U2SURP: variants seen among roughly 807,000 people sequenced by gnomAD.
The protein encoded by U2SURP is U2 snRNP-associated SURP motif-containing protein.
In U2SURP, 9 loss-of-function variants were observed where a neutral mutation model predicts 144.9. The ratio of observed to expected loss-of-function variants is 0.06; its 90% confidence interval spans 0.04 to 0.11. The LOEUF is 0.11. Among genes scored for constraint, U2SURP ranks in the 10% least tolerant of loss-of-function variants. The pLI is 1.00. For synonymous variants in U2SURP, 408 were observed against 396.8 expected, an observed-to-expected ratio of 1.03 and a Z score of -0.33; for missense variants, 724 against 1,226.7, an observed-to-expected ratio of 0.59 and a Z score of 6.12.
chr3:143,005,528 T>G (rs1368922935), intron 1 of U2SURP, among the ~76,000 whole-genome samples: 1 of 152,148 alleles, frequency 6.6e-6, no homozygotes, highest in East Asian at 1.9e-4. Context: ...GGTAGAAGGT[T>G]TTGTTTTGGT....
rs868110774 is a variant in U2SURP at position 143,029,630 on chromosome 3, T to A, written c.1610+984T>A. 2.0e-5 allele frequency among the ~76,000 whole-genome samples: 3 copies of A among 152,164 alleles called. No homozygotes were observed. The South Asian group carries it at 6.2e-4, about 31-fold the overall frequency. ...GCCAGTTAATAATCCCACAATGGCC[T>A]CTTGAGTATTCAGGTGAAAGGAAGA... On this transcript the variant is annotated intron_variant, in intron 16 of 27. Coordinates refer to ENST00000473835, the MANE Select transcript of U2SURP (RefSeq NM_001080415.2).
chr3:143,025,344 A>G (rs1272497519), intron 13 of U2SURP, among the ~76,000 whole-genome samples: 3 of 152,148 alleles, frequency 2.0e-5, no homozygotes, highest in Non-Finnish European at 4.4e-5. Context: ...CGTTTTGCCG[A>G]AAGTCTTCAC....
intron 16 of U2SURP, among the ~76,000 whole-genome samples, chr3:143,031,596 T>C (rs757656738): frequency 1.8e-4 from 27 of 152,224 alleles, no homozygotes; most frequent in Non-Finnish European, 3.2e-4. Context: ...GTGTACATTG[T>C]TTTTTTAGAC....
intron 16 of U2SURP, 41 bp downstream of exon 16, chr3:143,028,687 A>T: frequency 6.6e-7 from 1 of 1,523,954 alleles, no homozygotes. Flanking sequence ...CAGAAAAGTA[A>T]CTGTAATGGT....
chr3:143,021,821 T>A (rs750703676), intron 10 of U2SURP, among the ~76,000 whole-genome samples: 7 of 152,196 alleles, frequency 4.6e-5, no homozygotes, highest in African/African-American at 7.2e-5. Context: ...ATGAATAATA[T>A]TATTTTGAGA....
chr3:143,034,275 G>A (rs1322593565), intron 18 of U2SURP, among the ~76,000 whole-genome samples: 2 of 152,042 alleles, frequency 1.3e-5, no homozygotes, highest in African/African-American at 4.8e-5. Context: ...GTGGTGGTGT[G>A]CCTCTGTAAT....
chr3:143,038,093 A>G lies in U2SURP; in HGVS notation c.2222-15A>G, dbSNP rs1933908937. On this transcript the variant is annotated splice_polypyrimidine_tract_variant and intron_variant, in intron 21 of 27. Transcript: ENST00000473835. ...CACTAGTAGTCAGGGTTAATGGCTT[A>G]TCTTTCCCTAATAGTGGATGCAACT... 3.8e-6 allele frequency: 6 copies of G among 1,585,196 alleles called. No homozygotes were observed. The highest frequency in any genetic ancestry group is 5.1e-6 in the Non-Finnish European group (6 of 1,167,294).
intron 26 of U2SURP, among the ~76,000 whole-genome samples, chr3:143,054,675 C>A (rs1935054596): frequency 6.6e-6 from 1 of 152,168 alleles, no homozygotes; most frequent in Admixed American, 6.5e-5. Flanking sequence ...AATCCAGAGA[C>A]CTTAATTAGA....
intron 25 of U2SURP, among the ~76,000 whole-genome samples, chr3:143,051,623 A>T (rs1183994810): frequency 6.7e-6 from 1 of 150,136 alleles, no homozygotes; most frequent in Non-Finnish European, 1.5e-5. Flanking sequence ...AAAAAAAAAG[A>T]AAAACCAATA....
At chr3:143,010,595 A>T (rs1303667888) in intron 1 of U2SURP, among the ~76,000 whole-genome samples, 1 of 152,192 alleles carries the variant, frequency 6.6e-6, no homozygotes, top group Non-Finnish European at 1.5e-5. Context: ...AGTGTTTATT[A>T]TATTTTTGGA....
At chr3:143,024,496 T>C in intron 13 of U2SURP, 4 of 446,178 alleles carry the variant, frequency 9.0e-6, no homozygotes, top group South Asian at 6.5e-5. Context: ...GAAATTCCTA[T>C]TATTGTCATG....
At chr3:143,029,363 C>T (rs1273394644) in intron 16 of U2SURP, among the ~76,000 whole-genome samples, 1 of 152,166 alleles carries the variant, frequency 6.6e-6, no homozygotes, top group African/African-American at 2.4e-5. Flanking sequence ...CATTATTTTT[C>T]GAACAGCATG....
At chr3:143,042,388 T>C (rs1223733876) in intron 23 of U2SURP, among the ~76,000 whole-genome samples, 3 of 152,290 alleles carry the variant, frequency 2.0e-5, no homozygotes, top group African/African-American at 7.2e-5. Context: ...ATTTTCTAGA[T>C]TGATTATAGG....
At chr3:143,002,127 G>T in intron 1 of U2SURP, 1 of 241,886 alleles carries the variant, frequency 4.1e-6, no homozygotes, top group South Asian at 4.2e-5. Context: ...TCCAAGGAAT[G>T]AATAACCTCT....
At chr3:143,022,371 C>A in intron 10 of U2SURP, 126 bp from the exon 11 acceptor site, 1 of 813,540 alleles carries the variant, frequency 1.2e-6, no homozygotes, top group Non-Finnish European at 1.8e-6. Context: ...GTTCCTGGTA[C>A]TTAAATGGAA....
chr3:143,014,498 T>G, intron 4 of U2SURP, 89 bp downstream of exon 4: 1 of 828,830 alleles, frequency 1.2e-6, no homozygotes, highest in Non-Finnish European at 1.8e-6. Flanking sequence ...TTCCCGAAGA[T>G]TCTTAACCTC....
intron 3 of U2SURP, 153 bp downstream of exon 3, chr3:143,012,506 T>A: frequency 1.6e-6 from 1 of 627,208 alleles, no homozygotes; most frequent in Non-Finnish European, 2.4e-6. Flanking sequence ...GGGATAACAG[T>A]AAACTCATTT....
intron 12 of U2SURP, 71 bp downstream of exon 12, chr3:143,023,135 A>G: frequency 7.6e-7 from 1 of 1,318,098 alleles, no homozygotes; most frequent in Middle Eastern, 2.0e-4. Flanking sequence ...ATTTCTTTTC[A>G]ACAATTTTAT....
In U2SURP at chr3:143,045,611, A is replaced by G. The variant is rs142043901; in HGVS notation, c.2544+2335A>G. 3.1e-3 allele frequency among the ~76,000 whole-genome samples: 471 copies of G among 152,290 alleles called. 2 individuals carry two copies. The highest frequency in any genetic ancestry group is 4.8e-3 in the Admixed American group (74 of 15,292). On this transcript the variant is annotated intron_variant, in intron 24 of 27. Coordinates refer to ENST00000473835, the MANE Select transcript of U2SURP (RefSeq NM_001080415.2). ...AAACCTTATTCTTTCCACCTTGTAT[A>G]CGTATATATGCGATACACGTGCATG...
Sources: allele counts gnomAD v4.1 joint callset (sites outside exome capture counted in the v4.1 genomes callset), GRCh38; gene constraint gnomAD v4.1.1; transcripts MANE v1.5; gene names NCBI Gene and HGNC (gene_info 2026-07-23, HGNC 2026-07-21).